The following GPC5 variants were observed in gnomAD, a reference collection of about 807,000 sequenced individuals.
GPC5 encodes glypican-5.
Under a neutral mutation model 53.9 loss-of-function variants are expected in GPC5, and 47 were observed. The ratio of observed to expected loss-of-function variants is 0.87; its 90% confidence interval spans 0.69 to 1.11. GPC5 has a LOEUF of 1.11. Ranked by LOEUF, GPC5 falls within the 50% of genes most tolerant of loss-of-function variation. The pLI is 0.00. For missense variants in GPC5, 748 were observed against 713.1 expected, an observed-to-expected ratio of 1.05 and a Z score of -0.56; for synonymous variants, 286 against 263.3, an observed-to-expected ratio of 1.09 and a Z score of -0.84.
chr13:92,296,724 G>A (rs1017261906), intron 7 of GPC5, among the ~76,000 whole-genome samples: 5 of 152,202 alleles, frequency 3.3e-5, no homozygotes, highest in Middle Eastern at 3.2e-3. Flanking sequence ...CTGGAGTTCC[G>A]TGTGGGCGTG....
chr13:92,663,412 T>C (rs1279516594), intron 7 of GPC5, among the ~76,000 whole-genome samples: 1 of 151,514 alleles, frequency 6.6e-6, no homozygotes, highest in Non-Finnish European at 1.5e-5. Flanking sequence ...TCTCTGAGTG[T>C]CGTAAAAAGA....
chr13:92,682,276 G>A (rs1263773458), intron 7 of GPC5, among the ~76,000 whole-genome samples: 1 of 152,108 alleles, frequency 6.6e-6, no homozygotes, highest in Non-Finnish European at 1.5e-5. Context: ...AGTGTCTTCT[G>A]GGAGCAACAT....
intron 7 of GPC5, among the ~76,000 whole-genome samples, chr13:92,691,684 C>G (rs952068920): frequency 1.3e-5 from 2 of 151,886 alleles, no homozygotes; most frequent in African/African-American, 4.8e-5. Flanking sequence ...ATTAAATTAT[C>G]ACATTCATTA....
chr13:92,736,443 A>T (rs1235030877), intron 7 of GPC5, among the ~76,000 whole-genome samples: 1 of 151,978 alleles, frequency 6.6e-6, no homozygotes. Flanking sequence ...TTGCAATAAT[A>T]GTGCACTTGA....
At chr13:91,509,255 C>T (rs1425657030) in intron 2 of GPC5, among the ~76,000 whole-genome samples, 1 of 150,320 alleles carries the variant, frequency 6.7e-6, no homozygotes, top group Non-Finnish European at 1.5e-5. Context: ...GGATGCAATC[C>T]TCAGAGCTCA....
chr13:92,545,674 T>G (rs1450530212), intron 7 of GPC5, among the ~76,000 whole-genome samples: 1 of 152,262 alleles, frequency 6.6e-6, no homozygotes, highest in Non-Finnish European at 1.5e-5. Context: ...TGGCCAGTGA[T>G]CATGAGCATT....
intron 5 of GPC5, among the ~76,000 whole-genome samples, chr13:91,903,815 CAA>C (rs942883559): frequency 6.6e-6 from 1 of 151,936 alleles, no homozygotes; most frequent in African/African-American, 2.4e-5. Context: ...TAATTAAGAA[CAA>C]AACCAAAAGG....
chr13:91,758,996 C>A (rs1459573165), intron 5 of GPC5, among the ~76,000 whole-genome samples: 1 of 152,112 alleles, frequency 6.6e-6, no homozygotes, highest in Non-Finnish European at 1.5e-5. Context: ...ACTCCTACCA[C>A]CTCTAAGGCT....
intron 7 of GPC5, among the ~76,000 whole-genome samples, chr13:92,232,379 A>T (rs1303466084): frequency 6.6e-6 from 1 of 152,226 alleles, no homozygotes; most frequent in Non-Finnish European, 1.5e-5. Flanking sequence ...GGCCACCAGG[A>T]ATATTACAAG....
At chr13:91,448,701 T>C in intron 1 of GPC5, 60 bp from the exon 2 acceptor site, 2 of 1,549,116 alleles carry the variant, frequency 1.3e-6, no homozygotes, top group Non-Finnish European at 1.8e-6. Context: ...GCCTGATATA[T>C]AATATGTAAT....
intron 7 of GPC5, among the ~76,000 whole-genome samples, chr13:92,701,058 C>T (rs935114799): frequency 2.6e-5 from 4 of 152,144 alleles, no homozygotes; most frequent in African/African-American, 9.6e-5. Context: ...ACTTTGACAT[C>T]ATGCTAAATA....
intron 5 of GPC5, among the ~76,000 whole-genome samples, chr13:91,846,098 A>G (rs2038845747): frequency 6.6e-6 from 1 of 152,156 alleles, no homozygotes; most frequent in Non-Finnish European, 1.5e-5. Flanking sequence ...CTTTCTTTGC[A>G]GAAAGAGTTG....
intron 6 of GPC5, among the ~76,000 whole-genome samples, chr13:92,042,282 T>A (rs2040947824): frequency 6.6e-6 from 1 of 152,166 alleles, no homozygotes; most frequent in African/African-American, 2.4e-5. Context: ...ACCATCAAGC[T>A]ACTAGCTACT....
At chr13:91,438,426 C>G (rs972340192) in intron 1 of GPC5, among the ~76,000 whole-genome samples, 2 of 152,218 alleles carry the variant, frequency 1.3e-5, no homozygotes, top group Non-Finnish European at 2.9e-5. Flanking sequence ...TGGAGGTCCA[C>G]TCCAGACCGT....
intron 7 of GPC5, among the ~76,000 whole-genome samples, chr13:92,846,012 G>A (rs970015495): frequency 1.3e-5 from 2 of 151,986 alleles, no homozygotes; most frequent in African/African-American, 2.4e-5. Context: ...CTATCAGTCC[G>A]TTCTCACACT....
chr13:92,004,488 AT>A (rs1473559413), intron 6 of GPC5, among the ~76,000 whole-genome samples: 2 of 137,338 alleles, frequency 1.5e-5, no homozygotes, highest in Admixed American at 7.3e-5. Context: ...ATATATATAT[AT>A]AATTACACTA....
At position 92,556,682 on chromosome 13, in the gene GPC5, T is replaced by C. The variant is rs967690360; in HGVS notation, c.1562-309600T>C. On this transcript the variant is annotated intron_variant, in intron 7 of 7. Coordinates refer to ENST00000377067, the MANE Select transcript of GPC5 (RefSeq NM_004466.6). The stretch of plus-strand genomic sequence containing the variant: ...TCAACCCCTTTTTTTAATGTAGTAA[T>C]TTTTTCCTTTTTTTCTAAAATTACC... 2.6e-5 allele frequency among the ~76,000 whole-genome samples: 4 copies of C among 151,814 alleles called. No individual in the cohort carries two copies. The Admixed American group carries it at 2.6e-4, about 10-fold the overall frequency.
chr13:92,096,483 C>T (rs1442021197), intron 6 of GPC5, among the ~76,000 whole-genome samples: 1 of 152,122 alleles, frequency 6.6e-6, no homozygotes, highest in East Asian at 1.9e-4. Flanking sequence ...TACATGGTGC[C>T]ATGGTATGAA....
In GPC5 at chr13:91,865,374, A is replaced by T. The variant is rs148938345; in HGVS notation, c.1281-42563A>T. Among the ~76,000 whole-genome samples the T allele has an allele frequency of 4.0e-3, 612 of 152,216 alleles. 8 individuals are homozygous for T. The highest frequency in any genetic ancestry group is 0.014 in the African/African-American group (584 of 41,538). On this transcript the variant is annotated intron_variant, in intron 5 of 7. Transcript: ENST00000377067. ...TGTACAAATAAATACTATGAATTAA[A>T]AATAATAATAATAAATTATGATTTT...
Sources: gnomAD v4.1 joint callset for allele counts (sites outside exome capture counted in the v4.1 genomes callset) on GRCh38, gnomAD v4.1.1 for gene constraint, MANE v1.5 for transcripts, NCBI Gene and HGNC (gene_info 2026-07-23, HGNC 2026-07-21) for gene names.